The following KIRREL3 variants were observed in gnomAD, a reference collection of about 807,000 sequenced individuals.
KIRREL3 encodes kirre like nephrin family adhesion molecule 3, also known as kin of IRRE-like protein 3.
KIRREL3 carries 36 observed loss-of-function variants against 89.7 expected under a neutral mutation model. The ratio of observed to expected loss-of-function variants is 0.40; its 90% CI spans 0.31 to 0.53. The LOEUF (loss-of-function observed/expected upper bound fraction) is 0.53, where lower values mean the gene tolerates loss of function less well. Ranked by LOEUF, KIRREL3 falls within the 20% of genes least tolerant of loss-of-function variation. The pLI is 0.49. For missense variants in KIRREL3, 864 were observed against 1,056.6 expected, an observed-to-expected ratio of 0.82 and a Z score of 2.53; for synonymous variants, 445 against 441.4, an observed-to-expected ratio of 1.01 and a Z score of -0.10.
At chr11:126,582,166 C>G (rs542627683) in intron 1 of KIRREL3, among the ~76,000 whole-genome samples, 1 of 152,180 alleles carries the variant, frequency 6.6e-6, no homozygotes, top group Non-Finnish European at 1.5e-5. Context: ...AATCGTGGAG[C>G]CTCTCTGGGC....
At chr11:126,493,625 A>G (rs1957582269) in intron 4 of KIRREL3, among the ~76,000 whole-genome samples, 1 of 130,724 alleles carries the variant, frequency 7.6e-6, no homozygotes, top group Admixed American at 9.4e-5. Flanking sequence ...ACCGCACTCC[A>G]GCCTGGGCGA....
rs1041066088 is a variant in KIRREL3 at position 126,443,363 on chromosome 11, G to A, written c.1252+1616C>T. 4.6e-5 allele frequency among the ~76,000 whole-genome samples: 7 copies of A among 152,202 alleles called. No individual in the cohort carries two copies. The highest frequency in any genetic ancestry group is 1.7e-4 in the African/African-American group (7 of 41,444). On this transcript the variant is annotated intron_variant, in intron 10 of 16. Transcript: ENST00000525144. This position sits in a 1 kb window ranked among gnomAD's most constrained non-coding sequence, Gnocchi z 7.3. Reference sequence around the variant, plus strand: ...GAGCCGAGTGTCAGACACCTGCGCTGAAAGGAAAAGGCTGCAGCCTGTGTT... The same window carrying A: ...GAGCCGAGTGTCAGACACCTGCGCTAAAAGGAAAAGGCTGCAGCCTGTGTT...
chr11:126,813,158 T>C (rs1951444153), intron 1 of KIRREL3, among the ~76,000 whole-genome samples: 1 of 152,216 alleles, frequency 6.6e-6, no homozygotes, highest in African/African-American at 2.4e-5. Flanking sequence ...TGAAAATAAT[T>C]CAGCAACTCG....
chr11:126,561,408 T>A lies in KIRREL3; in HGVS notation c.133+1427A>T, dbSNP rs1940111691. ...CAGCCCAGCTCCTGACTTTTTGGCT[T>A]CCCCAATCCCTACAAACCTCTTTCG... On this transcript the variant is annotated intron_variant, in intron 2 of 16. Transcript: ENST00000525144. The surrounding 1 kb of genome is among the most constrained non-coding windows in gnomAD (Gnocchi z 4.5). Among the ~76,000 whole-genome samples, 2 of 152,174 alleles carry A rather than the reference T, an allele frequency of 1.3e-5. No individual in the cohort carries two copies. Among genetic ancestry groups the A allele is most frequent in the Admixed American group, 6.5e-5 (1 of 15,272 alleles).
chr11:126,461,759 G>A (rs1452179464), intron 6 of KIRREL3, among the ~76,000 whole-genome samples: 2 of 152,238 alleles, frequency 1.3e-5, no homozygotes, highest in South Asian at 2.1e-4. Flanking sequence ...CCCATCTCTG[G>A]ACTCCAGGTC....
rs571911860 is a variant in KIRREL3 at position 126,478,557 on chromosome 11, G to C, written c.434-5091C>G. 4.5e-4 allele frequency among the ~76,000 whole-genome samples: 68 copies of C among 152,080 alleles called. 1 individual carries two copies. Among genetic ancestry groups the C allele is most frequent in the Middle Eastern group, 6.8e-3 (2 of 294 alleles). On this transcript the variant is annotated intron_variant, in intron 4 of 16. Coordinates refer to ENST00000525144, the MANE Select transcript of KIRREL3 (RefSeq NM_032531.4). ...TATGTGTGTACATGTGTGTATATGT[G>C]TGTATGTGTATATATGTGTGTACAC...
At chr11:126,451,055 GTGTGCATGCA>G (rs374442054) in intron 7 of KIRREL3, among the ~76,000 whole-genome samples, 7,480 of 150,362 alleles carry the variant, frequency 0.05, 216 homozygotes, top group Middle Eastern at 0.098. Context: ...GCATGTGCAT[GTGTGCATGCA>G]TGTGCATGTG....
intron 1 of KIRREL3, among the ~76,000 whole-genome samples, chr11:126,728,465 G>A (rs1311159243): frequency 6.6e-6 from 1 of 152,094 alleles, no homozygotes; most frequent in Non-Finnish European, 1.5e-5. Flanking sequence ...GCAGGAAGGG[G>A]TGCGTCTTAC....
intron 1 of KIRREL3, among the ~76,000 whole-genome samples, chr11:126,660,697 G>A (rs929521348): frequency 1.3e-5 from 2 of 152,170 alleles, no homozygotes; most frequent in African/African-American, 4.8e-5. Context: ...TGTTCAGCAT[G>A]TCACATTGAT....
Position 126,437,017 on chromosome 11 carries a change from G to C in KIRREL3, c.1354-8C>G, listed in dbSNP as rs772670931. ...CTCCTTCCAGGACCAGGCCTGCCCG[G>C]GGGCGCAGAATCAGGAGGAGACCCC... is the stretch of plus-strand genomic sequence containing the variant. On this transcript the variant is annotated splice_polypyrimidine_tract_variant and splice_region_variant and intron_variant, in intron 11 of 16. Transcript: ENST00000525144. The C allele has an allele frequency of 8.6e-6, 13 of 1,517,268 alleles. No individual in the cohort carries two copies. In the African/African-American group the frequency reaches 1.8e-4, roughly 21 times the overall value. 94.0% of individuals were successfully genotyped at this position (1,517,268 alleles called of 1,614,324 possible). A position where few individuals can be genotyped will look rare whatever the true frequency, so the allele number is the denominator to read the frequency against.
chr11:126,535,574 G>GGT lies in KIRREL3; in HGVS notation c.134-8889_134-8888dup, dbSNP rs60765008. On this transcript the variant is annotated intron_variant, in intron 2 of 16. Transcript: ENST00000525144. The surrounding 1 kb of genome is among the most constrained non-coding windows in gnomAD (Gnocchi z 4.5). ...GGCAGCACTGCAGGGTGCTGGGTCG[G>GGT]GTGTGTGTGTGTGTGTGTGCACGTG... Among the ~76,000 whole-genome samples the GGT allele has an allele frequency of 2.4e-3, 360 of 150,646 alleles. 4 individuals are homozygous for GGT. Among genetic ancestry groups the GGT allele is most frequent in the South Asian group, 7.5e-3 (36 of 4,774 alleles).
At position 126,755,698 on chromosome 11, in the gene KIRREL3, C is replaced by T. The variant is rs1427924647; in HGVS notation, c.56-192786G>A. ...GCCCTCCCCTGGCAGCAATCTAATT[C>T]CAGCTCTCCTTGTCAGAATGTGTCT... is the stretch of plus-strand genomic sequence containing the variant. On this transcript the variant is annotated intron_variant, in intron 1 of 16. Coordinates refer to ENST00000525144, the MANE Select transcript of KIRREL3 (RefSeq NM_032531.4). The surrounding 1 kb of genome is among the most constrained non-coding windows in gnomAD (Gnocchi z 4.3). 6.6e-6 allele frequency among the ~76,000 whole-genome samples: 1 copy of T among 152,122 alleles called. No individual in the cohort carries two copies.
In KIRREL3 at chr11:126,473,328, T is replaced by C. The variant is rs373981618; in HGVS notation, c.572A>G (p.Asn191Ser). 1.2e-4 allele frequency: 131 copies of C among 1,070,404 alleles called. No homozygotes were observed. The highest frequency in any genetic ancestry group is 1.5e-4 in the Non-Finnish European group (121 of 811,102). 66.3% of individuals were successfully genotyped at this position (1,070,404 alleles called of 1,614,324 possible). A position where few individuals can be genotyped will look rare whatever the true frequency, so the allele number is the denominator to read the frequency against. Residue 191 changes from asparagine (N) to serine (S), a missense_variant, in exon 5 of 17, where the codon AAT becomes AGT. Physicochemically the swap from Asn to Ser is conservative, Grantham distance 46. Transcript: ENST00000525144. ...CCTCACCTTGGAGTAGGTGGCCCCATTGATGACCTCTCCCTTTCGCAACCA... is the reference window on the plus strand; with the variant it reads ...CCTCACCTTGGAGTAGGTGGCCCCACTGATGACCTCTCCCTTTCGCAACCA... ...IIWLRKGEVINGATYSKTLLR... is the reference protein window; with the variant it reads ...IIWLRKGEVISGATYSKTLLR...
chr11:126,982,142 G>T (rs1033255533), intron 1 of KIRREL3, among the ~76,000 whole-genome samples: 1 of 152,138 alleles, frequency 6.6e-6, no homozygotes, highest in Non-Finnish European at 1.5e-5. Flanking sequence ...ACCTTTCCTG[G>T]ACACAGGTTC....
rs1187114538 is a variant in KIRREL3 at position 126,473,004 on chromosome 11, T to TC, written c.591+304_591+305insG. ...TCCTCTCTACCTAACCCCCAGCCCC[T>TC]GCCAACCAGCCCCCCACTATCCTCC... On this transcript the variant is annotated intron_variant, in intron 5 of 16. Coordinates refer to ENST00000525144, the MANE Select transcript of KIRREL3 (RefSeq NM_032531.4). Among the ~76,000 whole-genome samples the TC allele has an allele frequency of 8.5e-4, 31 of 36,552 alleles. 1 individual carries two copies. Among genetic ancestry groups the TC allele is most frequent in the African/African-American group, 3.2e-3 (24 of 7,496 alleles). 24.0% of individuals were successfully genotyped at this position (36,552 alleles called of 152,430 possible). A position where few individuals can be genotyped will look rare whatever the true frequency, so the allele number is the denominator to read the frequency against.
In KIRREL3 at chr11:126,642,494, C is replaced by A. The variant is rs566008346; in HGVS notation, c.56-79582G>T. On this transcript the variant is annotated intron_variant, in intron 1 of 16. Coordinates refer to ENST00000525144, the MANE Select transcript of KIRREL3 (RefSeq NM_032531.4). This position sits in a 1 kb window ranked among gnomAD's most constrained non-coding sequence, Gnocchi z 4.9. The stretch of plus-strand genomic sequence containing the variant: ...CACTAGAAATGTTAACTCTGCCCTG[C>A]ACTTTCCATTCCCCATCCCCTTTCC... Among the ~76,000 whole-genome samples the A allele has an allele frequency of 2.0e-5, 3 of 152,364 alleles. No individual in the cohort carries two copies. The highest frequency in any genetic ancestry group is 7.2e-5 in the African/African-American group (3 of 41,588).
In KIRREL3 at chr11:126,495,646, CA is replaced by C. The variant is rs1233614253; in HGVS notation, c.434-22181del. On this transcript the variant is annotated intron_variant, in intron 4 of 16. Coordinates refer to ENST00000525144, the MANE Select transcript of KIRREL3 (RefSeq NM_032531.4). The surrounding 1 kb of genome is among the most constrained non-coding windows in gnomAD (Gnocchi z 6.5). ...TGTTGTGTCCTCCCTGCTGTGACAC[CA>C]GGTATAAGCAGAAACTTATGGTCAC... 6.6e-6 allele frequency among the ~76,000 whole-genome samples: 1 copy of C among 152,132 alleles called. No individual in the cohort carries two copies. Among genetic ancestry groups the C allele is most frequent in the Non-Finnish European group, 1.5e-5 (1 of 68,036 alleles).
intron 1 of KIRREL3, among the ~76,000 whole-genome samples, chr11:126,884,074 C>T (rs1452830634): frequency 2.0e-5 from 3 of 152,128 alleles, no homozygotes; most frequent in Admixed American, 6.5e-5. Flanking sequence ...AGGCATTGGG[C>T]CTACATGGAT....
chr11:126,668,734 T>C lies in KIRREL3; in HGVS notation c.56-105822A>G, dbSNP rs951881015. On this transcript the variant is annotated intron_variant, in intron 1 of 16. Coordinates refer to ENST00000525144, the MANE Select transcript of KIRREL3 (RefSeq NM_032531.4). The surrounding 1 kb of genome is among the most constrained non-coding windows in gnomAD (Gnocchi z 4.4). ...CTTTCTTTCTTTCTTTCTTTCTTTC[T>C]TTCTTTCTTTCTTTCTTTCTTTTTT... 7.9e-6 allele frequency among the ~76,000 whole-genome samples: 1 copy of C among 126,332 alleles called. No individual in the cohort carries two copies. Among genetic ancestry groups the C allele is most frequent in the Non-Finnish European group, 1.7e-5 (1 of 57,478 alleles). The allele number at this position is 126,332 out of a possible 152,430, so 82.9% of individuals were successfully genotyped here. A position where few individuals can be genotyped will look rare whatever the true frequency, so the allele number is the denominator to read the frequency against.
Sources: gnomAD v4.1 joint callset for allele counts (sites outside exome capture counted in the v4.1 genomes callset) on GRCh38, gnomAD v4.1.1 for gene constraint, Gnocchi (gnomAD v3.1) non-coding constraint, MANE v1.5 for transcripts, NCBI Gene and HGNC (gene_info 2026-07-23, HGNC 2026-07-21) for gene names.